The following CALN1 variants were observed in gnomAD, a reference collection of about 807,000 sequenced individuals.
CALN1 encodes calcium-binding protein 8.
A neutral mutation model predicts 30.6 loss-of-function variants in CALN1; 17 were observed. That is an observed-to-expected ratio of 0.56 (90% confidence interval 0.38 to 0.83). The LOEUF is 0.83. Among genes scored for constraint, CALN1 ranks in the 40% least tolerant of loss-of-function variants. CALN1 has a pLI of 0.00. For missense variants in CALN1, 291 were observed against 354.9 expected (o/e 0.82, Z 1.45); for synonymous variants, 156 against 131.4 (o/e 1.19, Z -1.28).
intron 1 of CALN1, among the ~76,000 whole-genome samples, chr7:72,410,842 C>T (rs73364987): frequency 0.03 from 4,518 of 152,180 alleles, 196 homozygotes; most frequent in African/African-American, 0.1. Context: ...AACTTTATTG[C>T]TAAAATCAGA....
intron 4 of CALN1, among the ~76,000 whole-genome samples, chr7:72,071,497 A>G (rs1804392292): frequency 6.9e-6 from 1 of 145,488 alleles, no homozygotes; most frequent in Non-Finnish European, 1.6e-5. Flanking sequence ...TACAGGAGAA[A>G]TAAGAAAAAA....
At chr7:72,390,212 T>C (rs1805492031) in intron 2 of CALN1, among the ~76,000 whole-genome samples, 2 of 151,930 alleles carry the variant, frequency 1.3e-5, no homozygotes, top group South Asian at 2.1e-4. Context: ...GGGTGAATCA[T>C]GAGGTCAGGA....
intron 5 of CALN1, among the ~76,000 whole-genome samples, chr7:71,811,665 CTTTCT>C (rs1206420223): frequency 3.0e-5 from 4 of 134,092 alleles, no homozygotes; most frequent in Admixed American, 2.2e-4. Context: ...GATAGTGTCG[CTTTCT>C]TTTTTCTTTT....
chr7:72,066,954 T>G (rs182282833), intron 4 of CALN1, among the ~76,000 whole-genome samples: 10 of 151,968 alleles, frequency 6.6e-5, no homozygotes, highest in African/African-American at 2.4e-4. Context: ...GCTAATTTTT[T>G]TTTTTTTGTA....
intron 2 of CALN1, among the ~76,000 whole-genome samples, chr7:72,390,898 A>G (rs1351420981): frequency 2.0e-5 from 3 of 152,152 alleles, no homozygotes; most frequent in African/African-American, 7.2e-5. Context: ...ATTCTATTTT[A>G]TGCATTTAGA....
chr7:71,993,836 G>A (rs77392906), intron 5 of CALN1, among the ~76,000 whole-genome samples: 7,948 of 152,106 alleles, frequency 0.052, 267 homozygotes, highest in Non-Finnish European at 0.074. Flanking sequence ...GACACGATAC[G>A]CTAAACAAAA....
chr7:72,005,800 G>C lies in CALN1; in HGVS notation c.501+17857C>G, dbSNP rs146426090. On this transcript the variant is annotated intron_variant, in intron 5 of 6. Coordinates refer to ENST00000395275, the MANE Select transcript of CALN1 (RefSeq NM_031468.4). ...CCAAGACCTAGTTGACAGAGTTAGG[G>C]GTGGGGGTGGGAATGAGGAGATGTT... Among the ~76,000 whole-genome samples the C allele has an allele frequency of 7.2e-5, 11 of 152,158 alleles. No individual in the cohort carries two copies. In the East Asian group the frequency reaches 1.5e-3, roughly 21 times the overall value.
intron 5 of CALN1, among the ~76,000 whole-genome samples, chr7:71,852,129 C>T (rs954326293): frequency 6.6e-6 from 1 of 152,142 alleles, no homozygotes; most frequent in Non-Finnish European, 1.5e-5. Context: ...ATTTTGTCAT[C>T]GAACAGCATT....
At chr7:72,448,550 C>T (rs1308882040), upstream of CALN1, among the ~76,000 whole-genome samples, 44 of 152,134 alleles carry the variant, frequency 2.9e-4, no homozygotes, top group Admixed American at 2.8e-3. Flanking sequence ...CTTGGCATCC[C>T]ACACTATGGA....
At chr7:71,807,861 G>A (rs1354644219) in intron 6 of CALN1, among the ~76,000 whole-genome samples, 1 of 152,152 alleles carries the variant, frequency 6.6e-6, no homozygotes, top group Non-Finnish European at 1.5e-5. Context: ...GGATTACGAG[G>A]TCAGGAGATT....
At chr7:72,171,296 C>A (rs770579475) in intron 3 of CALN1, among the ~76,000 whole-genome samples, 5 of 152,180 alleles carry the variant, frequency 3.3e-5, no homozygotes, top group Non-Finnish European at 7.3e-5. Flanking sequence ...TAGAGCTCTA[C>A]ACCTCCAAAT....
chr7:72,198,135 AG>A, intron 3 of CALN1, among the ~76,000 whole-genome samples: 1 of 152,328 alleles, frequency 6.6e-6, no homozygotes, highest in East Asian at 1.9e-4. Context: ...CCTTCTCAAT[AG>A]TTAAATGTTT....
intron 4 of CALN1, among the ~76,000 whole-genome samples, chr7:72,025,021 T>C (rs752400467): frequency 2.6e-5 from 4 of 152,110 alleles, no homozygotes; most frequent in Non-Finnish European, 5.9e-5. Flanking sequence ...TTTAAAACCA[T>C]GTATCCTGGC....
chr7:72,354,811 G>C (rs1022856694), intron 2 of CALN1, among the ~76,000 whole-genome samples: 1 of 151,732 alleles, frequency 6.6e-6, no homozygotes, highest in Admixed American at 6.6e-5. Flanking sequence ...ATGGATCGTA[G>C]ACCTAAAAGA....
At chr7:71,866,508 T>C (rs1791597080) in intron 5 of CALN1, among the ~76,000 whole-genome samples, 1 of 152,162 alleles carries the variant, frequency 6.6e-6, no homozygotes, top group Non-Finnish European at 1.5e-5. Context: ...ATGTTATTGG[T>C]AAAAAACATA....
chr7:72,367,246 G>A (rs1223294860), intron 2 of CALN1, among the ~76,000 whole-genome samples: 1 of 152,142 alleles, frequency 6.6e-6, no homozygotes, highest in African/African-American at 2.4e-5. Context: ...AAACACTTTG[G>A]GAGGCTGAGG....
At chr7:72,152,549 G>A (rs1421757337) in intron 3 of CALN1, among the ~76,000 whole-genome samples, 1 of 152,084 alleles carries the variant, frequency 6.6e-6, no homozygotes, top group African/African-American at 2.4e-5. Flanking sequence ...GGAACCACAG[G>A]TCTCAGCAGT....
intron 3 of CALN1, among the ~76,000 whole-genome samples, chr7:72,153,064 A>G (rs1316167663): frequency 6.6e-6 from 1 of 152,230 alleles, no homozygotes; most frequent in Non-Finnish European, 1.5e-5. Flanking sequence ...CCCGGCTACC[A>G]GAATCAAGCC....
intron 2 of CALN1, among the ~76,000 whole-genome samples, chr7:72,370,692 T>C (rs1251958905): frequency 6.6e-6 from 1 of 151,162 alleles, no homozygotes; most frequent in Non-Finnish European, 1.5e-5. Flanking sequence ...ATATAGGCAA[T>C]TGACAAATTT....
Sources: gnomAD v4.1 joint callset for allele counts (sites outside exome capture counted in the v4.1 genomes callset) on GRCh38, gnomAD v4.1.1 for gene constraint, MANE v1.5 for transcripts, NCBI Gene and HGNC (gene_info 2026-07-23, HGNC 2026-07-21) for gene names.